The following ESRRG variants were observed in gnomAD, a reference collection of about 807,000 sequenced individuals.
ESRRG encodes estrogen-related receptor gamma.
A neutral mutation model predicts 44.0 loss-of-function variants in ESRRG; 13 were observed. The observed-to-expected ratio is 0.30, with a 90% CI of 0.19 to 0.47. The LOEUF (loss-of-function observed/expected upper bound fraction) is 0.47. Ranked by LOEUF, ESRRG falls within the 20% of genes least tolerant of loss-of-function variation. The pLI, the probability that ESRRG is intolerant of heterozygous loss-of-function variation, is 1.00. For missense variants in ESRRG, 395 were observed against 580.6 expected, an observed-to-expected ratio of 0.68 and a Z score of 3.29; for synonymous variants, 215 against 214.6, an observed-to-expected ratio of 1.00 and a Z score of -0.02.
At chr1:216,638,376 C>T (rs1028692507) in intron 3 of ESRRG, among the ~76,000 whole-genome samples, 1 of 151,182 alleles carries the variant, frequency 6.6e-6, no homozygotes, top group African/African-American at 2.4e-5. Context: ...CTGAGTCTAT[C>T]TCTGCACTAT....
chr1:216,568,151 C>A, intron 3 of ESRRG, 53 bp from the exon 4 acceptor site: 1 of 1,204,200 alleles, frequency 8.3e-7, no homozygotes, highest in Non-Finnish European at 1.2e-6. Flanking sequence ...TGTTTGAGAC[C>A]AATCAAATAC....
At chr1:216,523,059 T>C (rs1472270801) in intron 5 of ESRRG, among the ~76,000 whole-genome samples, 1 of 152,126 alleles carries the variant, frequency 6.6e-6, no homozygotes. Flanking sequence ...ACCTTAATCT[T>C]TGGTGTGTGA....
chr1:216,550,951 A>C (rs1279265899), intron 5 of ESRRG, among the ~76,000 whole-genome samples: 6 of 152,134 alleles, frequency 3.9e-5, no homozygotes. Flanking sequence ...TATGGCTGAT[A>C]ATCAGAACAT....
At chr1:216,919,203 C>T (rs17044322) in intron 2 of ESRRG, among the ~76,000 whole-genome samples, 1,828 of 152,214 alleles carry the variant, frequency 0.012, 29 homozygotes, top group East Asian at 0.049. Flanking sequence ...GGAGGCCTCA[C>T]GTGCTCATTG....
At chr1:216,667,828 G>T (rs765246931) in intron 2 of ESRRG, among the ~76,000 whole-genome samples, 39 of 152,012 alleles carry the variant, frequency 2.6e-4, no homozygotes, top group African/African-American at 7.3e-4. Flanking sequence ...GCTGGGCGCG[G>T]TGGCTCACGC....
chr1:216,540,718 A>T (rs914405709), intron 5 of ESRRG, among the ~76,000 whole-genome samples: 3 of 152,052 alleles, frequency 2.0e-5, no homozygotes, highest in African/African-American at 7.2e-5. Flanking sequence ...TATAGGAGAA[A>T]CAATAGCTAG....
intron 2 of ESRRG, among the ~76,000 whole-genome samples, chr1:216,666,009 C>T (rs1393646406): frequency 2.0e-5 from 3 of 151,884 alleles, no homozygotes; most frequent in African/African-American, 7.3e-5. Flanking sequence ...CTGGGCTTTA[C>T]CAAAAAAAGA....
At chr1:216,978,875 G>A (rs1385770704) in intron 1 of ESRRG, among the ~76,000 whole-genome samples, 2 of 152,058 alleles carry the variant, frequency 1.3e-5, no homozygotes, top group African/African-American at 4.8e-5. Context: ...TCCCCAGAGA[G>A]CTCAAATTCT....
chr1:216,544,553 T>C (rs2149308805), intron 5 of ESRRG, among the ~76,000 whole-genome samples: 1 of 152,142 alleles, frequency 6.6e-6, no homozygotes, highest in African/African-American at 2.4e-5. Context: ...TATTTTTTCA[T>C]GCAGGCTCCC....
intron 2 of ESRRG, among the ~76,000 whole-genome samples, chr1:216,741,917 C>T (rs1325756511): frequency 6.6e-6 from 1 of 152,142 alleles, no homozygotes; most frequent in Non-Finnish European, 1.5e-5. Context: ...CCTGAATTTC[C>T]TCACTGGTGG....
chr1:216,869,591 T>C (rs1403909092), intron 2 of ESRRG, among the ~76,000 whole-genome samples: 4 of 152,082 alleles, frequency 2.6e-5, no homozygotes, highest in Admixed American at 6.5e-5. Context: ...AACATCCGCC[T>C]AGGAATTTTA....
At chr1:216,805,132 A>T (rs2094747459) in intron 2 of ESRRG, 1 of 152,186 alleles carries the variant, frequency 6.6e-6, no homozygotes, top group South Asian at 2.1e-4. Context: ...GGCAGTAAGT[A>T]GTCTGTTGTT....
chr1:217,035,233 C>A (rs2082678174), intron 1 of ESRRG, among the ~76,000 whole-genome samples: 1 of 149,470 alleles, frequency 6.7e-6, no homozygotes, highest in South Asian at 2.1e-4. Context: ...CACCTGAAAT[C>A]CCAGTGCTTT....
intron 2 of ESRRG, among the ~76,000 whole-genome samples, chr1:216,821,983 T>A (rs1211163387): frequency 6.6e-6 from 1 of 151,922 alleles, no homozygotes; most frequent in African/African-American, 2.4e-5. Flanking sequence ...AACTCTCCAT[T>A]GCCTGGCCAA....
intron 1 of ESRRG, chr1:216,707,394 G>C: frequency 6.5e-7 from 1 of 1,535,928 alleles, no homozygotes; most frequent in Admixed American, 2.0e-5. Context: ...GATCAGACTT[G>C]ACTGCTCCAA....
At chr1:217,007,465 G>A (rs2077917458) in intron 1 of ESRRG, among the ~76,000 whole-genome samples, 1 of 152,126 alleles carries the variant, frequency 6.6e-6, no homozygotes, top group African/African-American at 2.4e-5. Context: ...GGTGCTGTTG[G>A]ATAATTCAAG....
intron 5 of ESRRG, among the ~76,000 whole-genome samples, chr1:216,562,638 G>A (rs893925904): frequency 6.6e-6 from 1 of 152,032 alleles, no homozygotes; most frequent in African/African-American, 2.4e-5. Flanking sequence ...AACAAGGGCA[G>A]CCCCTCATGA....
intron 1 of ESRRG, among the ~76,000 whole-genome samples, chr1:217,030,181 C>G (rs1202560087): frequency 6.6e-6 from 1 of 152,056 alleles, no homozygotes; most frequent in Admixed American, 6.6e-5. Flanking sequence ...GTCTCTCTCT[C>G]TCATGGACAT....
rs77807256 is a variant in ESRRG at position 217,017,828 on chromosome 1, A to G, written c.-106+71679T>C. ...AGTGGCAGCAGTAGCAGAAACAGCA[A>G]TAACCAAAGGCACACATCATCGATT... On this transcript the variant is annotated intron_variant, in intron 1 of 7. Transcript: ENST00000359162. Among the ~76,000 whole-genome samples the G allele has an allele frequency of 8.2e-3, 1,255 of 152,318 alleles. 20 individuals carry two copies. Among genetic ancestry groups the G allele is most frequent in the African/African-American group, 0.028 (1,181 of 41,564 alleles).
Sources: allele counts gnomAD v4.1 joint callset (sites outside exome capture counted in the v4.1 genomes callset), GRCh38; gene constraint gnomAD v4.1.1; transcripts MANE v1.5; gene names NCBI Gene and HGNC (gene_info 2026-07-23, HGNC 2026-07-21).